Variants in IP6K2 observed in about 807,000 individuals in gnomAD.
IP6K2 encodes inositol hexakisphosphate kinase 2.
A neutral mutation model predicts 43.3 loss-of-function variants in IP6K2; 9 were observed. The observed-to-expected ratio is 0.21, with a 90% CI of 0.13 to 0.36. The LOEUF (loss-of-function observed/expected upper bound fraction) is 0.36, where lower values mean the gene tolerates loss of function less well. Among genes scored for constraint, IP6K2 ranks in the 10% least tolerant of loss-of-function variants. The pLI, the probability that IP6K2 is intolerant of heterozygous loss-of-function variation, is 1.00. For synonymous variants in IP6K2, 209 were observed against 202.4 expected, an observed-to-expected ratio of 1.03 and a Z score of -0.28; for missense variants, 332 against 538.4, an observed-to-expected ratio of 0.62 and a Z score of 3.79.
intron 1 of IP6K2, among the ~76,000 whole-genome samples, chr3:48,706,951 CTT>C (rs2079864110): frequency 6.6e-6 from 1 of 152,052 alleles, no homozygotes; most frequent in Admixed American, 6.6e-5. Context: ...CAAACATTCA[CTT>C]TCTTACCTAA....
chr3:48,699,700 G>A (rs2078815712), intron 1 of IP6K2: 1 of 152,186 alleles, frequency 6.6e-6, no homozygotes, highest in African/African-American at 2.4e-5. Flanking sequence ...CTGTAGTGAG[G>A]TGGAGCCACA....
chr3:48,704,081 AC>A (rs1390914672), intron 1 of IP6K2, among the ~76,000 whole-genome samples: 1 of 152,176 alleles, frequency 6.6e-6, no homozygotes, highest in Non-Finnish European at 1.5e-5. Context: ...ACAGAGTGAG[AC>A]TCTATCTCAA....
intron 2 of IP6K2, chr3:48,694,363 T>C (rs1575612424): frequency 6.5e-7 from 1 of 1,545,026 alleles, no homozygotes; most frequent in Non-Finnish European, 8.8e-7. Context: ...TTAAAGACAA[T>C]GTTTCAACAG....
chr3:48,697,847 AT>A (rs2078575694), intron 1 of IP6K2, among the ~76,000 whole-genome samples: 1 of 151,814 alleles, frequency 6.6e-6, no homozygotes, highest in Non-Finnish European at 1.5e-5. Flanking sequence ...CCTAACTAAT[AT>A]TTTCTATTTA....
intron 1 of IP6K2, among the ~76,000 whole-genome samples, chr3:48,709,905 G>A (rs1425401540): frequency 6.6e-6 from 1 of 151,608 alleles, no homozygotes; most frequent in Non-Finnish European, 1.5e-5. Flanking sequence ...CTAATAAAGA[G>A]ACACCTGCCA....
intron 1 of IP6K2, among the ~76,000 whole-genome samples, chr3:48,703,981 A>G (rs1019905391): frequency 2.6e-5 from 4 of 152,044 alleles, no homozygotes; most frequent in African/African-American, 9.7e-5. Context: ...GATCCCAGCT[A>G]CTTGGGAGGC....
intron 1 of IP6K2, among the ~76,000 whole-genome samples, chr3:48,699,085 T>G (rs1320613893): frequency 6.6e-6 from 1 of 152,026 alleles, no homozygotes; most frequent in African/African-American, 2.4e-5. Context: ...ACAAAAACAG[T>G]CCTTCATGGC....
At chr3:48,697,604 G>A (rs1165707077) in intron 1 of IP6K2, among the ~76,000 whole-genome samples, 1 of 146,942 alleles carries the variant, frequency 6.8e-6, no homozygotes, top group Middle Eastern at 3.4e-3. Context: ...GCCTCCCAAA[G>A]TGCTGGGACT....
At chr3:48,699,055 C>T (rs1189169055) in intron 1 of IP6K2, among the ~76,000 whole-genome samples, 2 of 152,134 alleles carry the variant, frequency 1.3e-5, no homozygotes, top group Non-Finnish European at 2.9e-5. Context: ...CTTACCCATC[C>T]CCACCTCCAA....
At chr3:48,694,728 A>G in intron 2 of IP6K2, 1 of 1,508,770 alleles carries the variant, frequency 6.6e-7, no homozygotes, top group South Asian at 1.3e-5. Flanking sequence ...CTGGAGGACA[A>G]AAAGCAGGCG....
At chr3:48,704,476 CTT>C (rs36076263) in intron 1 of IP6K2, among the ~76,000 whole-genome samples, 11 of 146,094 alleles carry the variant, frequency 7.5e-5, no homozygotes, top group Non-Finnish European at 9.1e-5. Flanking sequence ...TTATGATACA[CTT>C]TTTTTTTTTT....
At chr3:48,706,155 C>T (rs1234305175) in intron 1 of IP6K2, among the ~76,000 whole-genome samples, 1 of 151,110 alleles carries the variant, frequency 6.6e-6, no homozygotes, top group Non-Finnish European at 1.5e-5. Context: ...TGCAGTGAGC[C>T]GAGACTACGC....
chr3:48,689,683 C>T lies in IP6K2; in HGVS notation c.635G>A (p.Arg212His), dbSNP rs372776558. ...GTCAAGGACACAAGGCACCTCGTAG[C>T]GGGAAGTCAGGTTTTCCAGTAAGAT... is the stretch of plus-strand genomic sequence containing the variant. ...KFILLENLTS[R>H]YEVPCVLDLK... The change falls in exon 5 of 6, where the codon CGC (arginine) becomes CAC (histidine). Residue 212 changes from arginine to histidine, a missense_variant. Arg to His is a conservative substitution (Grantham distance 29). Transcript: ENST00000328631. The T allele has an allele frequency of 1.1e-5, 18 of 1,613,794 alleles. No individual in the cohort carries two copies. Among genetic ancestry groups the T allele is most frequent in the Middle Eastern group, 1.6e-4 (1 of 6,084 alleles).
chr3:48,695,319 G>C lies in IP6K2; in HGVS notation c.-28C>G. ...TCCGGGCGCAGATGGCGGGGAGATG[G>C]GGGAGGCAGCGGAGTCCAGCGGCCA... is the stretch of plus-strand genomic sequence containing the variant. On this transcript the variant is annotated 5_prime_UTR_variant, in exon 2 of 6. Coordinates refer to ENST00000328631, the MANE Select transcript of IP6K2 (RefSeq NM_016291.4). This position sits in a 1 kb window ranked among gnomAD's most constrained non-coding sequence, Gnocchi z 4.6. 4 of 1,596,500 alleles carry C rather than the reference G, an allele frequency of 2.5e-6. No homozygotes were observed. Among genetic ancestry groups the C allele is most frequent in the Non-Finnish European group, 3.4e-6 (4 of 1,169,546 alleles).
At chr3:48,694,223 G>T (rs1575611524) in intron 2 of IP6K2, 1 of 1,551,510 alleles carries the variant, frequency 6.4e-7, no homozygotes, top group East Asian at 2.4e-5. Context: ...CAGCTAACAA[G>T]GGGCCTTTGG....
In IP6K2 at chr3:48,695,047, TCTC is replaced by T. The variant is rs750875000; in HGVS notation, c.202+40_202+42del. On this transcript the variant is annotated intron_variant, in intron 2 of 5. Transcript: ENST00000328631. The surrounding 1 kb of genome is among the most constrained non-coding windows in gnomAD (Gnocchi z 4.6). ...CCTTCCATGGCCACGATCTCTCACATCTCCTCGCCAGTGTGGCAACCCCTCCAG... is the reference window on the plus strand; with the variant it reads ...CCTTCCATGGCCACGATCTCTCACATCTCGCCAGTGTGGCAACCCCTCCAG... The T allele has an allele frequency of 1.9e-6, 3 of 1,613,786 alleles. No homozygotes were observed. Among genetic ancestry groups the T allele is most frequent in the African/African-American group, 1.3e-5 (1 of 74,844 alleles).
intron 1 of IP6K2, among the ~76,000 whole-genome samples, chr3:48,706,156 G>A (rs1036844464): frequency 1.3e-5 from 2 of 151,710 alleles, no homozygotes; most frequent in South Asian, 4.2e-4. Flanking sequence ...GCAGTGAGCC[G>A]AGACTACGCC....
intron 1 of IP6K2, among the ~76,000 whole-genome samples, chr3:48,697,959 T>A (rs1008011844): frequency 1.3e-5 from 2 of 152,210 alleles, no homozygotes; most frequent in African/African-American, 4.8e-5. Context: ...TAGGAATCAG[T>A]AAGTTTTCCC....
chr3:48,707,921 A>G lies in IP6K2; in HGVS notation c.-131+9236T>C, dbSNP rs75475384. ...TCTCCTTTCTAGAACCACCAGCACAACTAGCTGCCCTATCTCTCTGCCTCG... is the reference window on the plus strand; with the variant it reads ...TCTCCTTTCTAGAACCACCAGCACAGCTAGCTGCCCTATCTCTCTGCCTCG... On this transcript the variant is annotated intron_variant, in intron 1 of 5. Transcript: ENST00000328631. 5.1e-3 allele frequency among the ~76,000 whole-genome samples: 770 copies of G among 152,344 alleles called. 3 individuals are homozygous for G. Among genetic ancestry groups the G allele is most frequent in the Non-Finnish European group, 8.5e-3 (581 of 68,024 alleles).
Sources: allele counts gnomAD v4.1 joint callset (sites outside exome capture counted in the v4.1 genomes callset), GRCh38; gene constraint gnomAD v4.1.1; non-coding constraint Gnocchi (gnomAD v3.1); transcripts MANE v1.5; gene names NCBI Gene and HGNC (gene_info 2026-07-23, HGNC 2026-07-21).